Variants in PLXNA4 observed in about 807,000 individuals in gnomAD.
PLXNA4 encodes the protein plexin A4, also known as plexin-A4.
Under a neutral mutation model 191.8 loss-of-function variants are expected in PLXNA4, and 44 were observed. The observed-to-expected ratio is 0.23, with a 90% CI of 0.18 to 0.29. The LOEUF is 0.29. Among genes scored for constraint, PLXNA4 ranks in the 10% least tolerant of loss-of-function variants. PLXNA4 has a pLI of 1.00. For missense variants in PLXNA4, 1,800 were observed against 2,488.8 expected, an observed-to-expected ratio of 0.72 and a Z score of 5.89; for synonymous variants, 1,082 against 1,009.5, an observed-to-expected ratio of 1.07 and a Z score of -1.36.
At chr7:132,490,535 C>A (rs776693015) in intron 2 of PLXNA4, among the ~76,000 whole-genome samples, 4 of 150,128 alleles carry the variant, frequency 2.7e-5, no homozygotes, top group Non-Finnish European at 5.9e-5. Flanking sequence ...AAGCGATCCT[C>A]CAACCTCAGC....
In PLXNA4 at chr7:132,151,428, AGGAAGG is replaced by A. The variant is rs1387542677; in HGVS notation, c.4661-2788_4661-2783del. On this transcript the variant is annotated intron_variant, in intron 25 of 31. Transcript: ENST00000321063. ...AGGAGGAAGGAGGAGGAGGAGGAGGAGGAAGGAGGAGGAGGAGGAAGAAGAAGGAGG... is the reference window on the plus strand; with the variant it reads ...AGGAGGAAGGAGGAGGAGGAGGAGGAAGGAGGAGGAGGAAGAAGAAGGAGG... Among the ~76,000 whole-genome samples, 31 of 73,382 alleles carry A rather than the reference AGGAAGG, an allele frequency of 4.2e-4. 3 individuals carry two copies. Among genetic ancestry groups the A allele is most frequent in the African/African-American group, 1.6e-3 (25 of 15,660 alleles). The allele number at this position is 73,382 out of a possible 152,430, so 48.1% of individuals were successfully genotyped here. A position where few individuals can be genotyped will look rare whatever the true frequency, so the allele number is the denominator to read the frequency against.
chr7:132,207,347 C>T (rs1249890053), intron 10 of PLXNA4, among the ~76,000 whole-genome samples: 1 of 152,262 alleles, frequency 6.6e-6, no homozygotes, highest in Non-Finnish European at 1.5e-5. Context: ...GGCCCCGGCC[C>T]TCACGACCAG....
At chr7:132,408,253 G>C (rs2117076339) in intron 3 of PLXNA4, among the ~76,000 whole-genome samples, 1 of 152,038 alleles carries the variant, frequency 6.6e-6, no homozygotes, top group African/African-American at 2.4e-5. Flanking sequence ...TCACTGAATA[G>C]GCAGGAAAAA....
intron 3 of PLXNA4, among the ~76,000 whole-genome samples, chr7:132,330,888 T>G (rs1041314085): frequency 1.3e-5 from 2 of 152,148 alleles, no homozygotes; most frequent in African/African-American, 4.8e-5. Flanking sequence ...AATAAATATG[T>G]TTTTCTAAAT....
At chr7:132,513,196 A>G (rs1448040230) in intron 1 of PLXNA4, among the ~76,000 whole-genome samples, 1 of 152,238 alleles carries the variant, frequency 6.6e-6, no homozygotes, top group Non-Finnish European at 1.5e-5. Context: ...ACTGAAACTA[A>G]TTTTCATGAA....
At chr7:132,422,713 A>G (rs763510814) in intron 3 of PLXNA4, among the ~76,000 whole-genome samples, 2 of 152,152 alleles carry the variant, frequency 1.3e-5, no homozygotes, top group African/African-American at 2.4e-5. Context: ...GGGAAGTAAC[A>G]TTTGCTGAGC....
rs957949342 is a variant in PLXNA4, at chr7:132,133,664, G to A, written c.5439-465C>T. On this transcript the variant is annotated intron_variant, in intron 30 of 31. Coordinates refer to ENST00000321063, the MANE Select transcript of PLXNA4 (RefSeq NM_020911.2). The stretch of plus-strand genomic sequence containing the variant: ...GGGCTAAATGGGAGGAGGCAGGGCT[G>A]AGGCTACTCAGGGAGAGACTGGTAG... 5.3e-5 allele frequency among the ~76,000 whole-genome samples: 8 copies of A among 152,330 alleles called. 1 individual carries two copies. The South Asian group carries it at 1.7e-3, about 32-fold the overall frequency.
intron 2 of PLXNA4, among the ~76,000 whole-genome samples, chr7:132,601,966 C>T (rs1413011978): frequency 6.6e-6 from 1 of 152,236 alleles, no homozygotes; most frequent in Non-Finnish European, 1.5e-5. Context: ...CATTCTTACT[C>T]AGATCTCAAT....
At chr7:132,485,707 CTG>C (rs1219615048) in intron 3 of PLXNA4, among the ~76,000 whole-genome samples, 3 of 152,174 alleles carry the variant, frequency 2.0e-5, no homozygotes, top group Non-Finnish European at 4.4e-5. Context: ...CTGCTTATGA[CTG>C]TAGTATTTAT....
rs765596855 is a variant in PLXNA4, at chr7:132,159,616, C to T, written c.4517G>A (p.Ser1506Asn). The change falls in exon 25 of 32, where the codon AGC becomes AAC. Residue 1506 changes from serine to asparagine, a missense_variant. Ser to Asn is a conservative substitution (Grantham distance 46, BLOSUM62 1). Around this residue, in one of 6 missense-constraint regions of PLXNA4, gnomAD observed 214 missense variants for 298.2 expected, o/e 0.72. Transcript: ENST00000321063. ...CTCGGGGCTGTTGGCATTGTCTGGG[C>T]TGACACAGCTCAGGACCTGAAGGAA... ...DYKTLVLSCV[S>N]PDNANSPEVP... 6.2e-7 allele frequency: 1 copy of T among 1,614,100 alleles called. No individual in the cohort carries two copies.
chr7:132,394,214 CG>C (rs911846850), intron 3 of PLXNA4, among the ~76,000 whole-genome samples: 3 of 152,158 alleles, frequency 2.0e-5, no homozygotes, highest in African/African-American at 7.2e-5. Context: ...TCCTCTGAAG[CG>C]GGGCCCAGCC....
chr7:132,540,834 G>A (rs1350385203), intron 1 of PLXNA4, among the ~76,000 whole-genome samples: 1 of 151,578 alleles, frequency 6.6e-6, no homozygotes, highest in Admixed American at 6.6e-5. Flanking sequence ...TGATCCACCC[G>A]CCTCGGCCTC....
chr7:132,224,993 C>G (rs775295662), intron 8 of PLXNA4, among the ~76,000 whole-genome samples: 10 of 152,168 alleles, frequency 6.6e-5, no homozygotes, highest in African/African-American at 1.2e-4. Context: ...CTCTGGGGAT[C>G]CCATGGAGTT....
At chr7:132,629,675 A>G (rs1803453367) in intron 2 of PLXNA4, among the ~76,000 whole-genome samples, 1 of 152,204 alleles carries the variant, frequency 6.6e-6, no homozygotes, top group South Asian at 2.1e-4. Context: ...CTGGGTTTAA[A>G]CAACAGAAAT....
chr7:132,509,262 C>A (rs1195318216), intron 1 of PLXNA4, among the ~76,000 whole-genome samples: 1 of 152,144 alleles, frequency 6.6e-6, no homozygotes, highest in African/African-American at 2.4e-5. Context: ...CCTCTGCACA[C>A]AGTTTCTCCG....
intron 1 of PLXNA4, among the ~76,000 whole-genome samples, chr7:132,524,586 T>C (rs577029749): frequency 1.3e-5 from 2 of 152,230 alleles, no homozygotes; most frequent in Admixed American, 1.3e-4. Context: ...CTTTTTTTTG[T>C]TGTTGTTGAG....
chr7:132,401,315 G>A (rs1793975356), intron 3 of PLXNA4, among the ~76,000 whole-genome samples: 1 of 152,102 alleles, frequency 6.6e-6, no homozygotes, highest in South Asian at 2.1e-4. Flanking sequence ...ATCTCAAAAG[G>A]CAAAGTTAAA....
At chr7:132,338,286 T>C (rs955146556) in intron 3 of PLXNA4, among the ~76,000 whole-genome samples, 3 of 152,212 alleles carry the variant, frequency 2.0e-5, no homozygotes, top group Non-Finnish European at 2.9e-5. Flanking sequence ...CAGACTCAAA[T>C]TCCTCTCGGC....
intron 22 of PLXNA4, among the ~76,000 whole-genome samples, chr7:132,166,058 G>A (rs753773491): frequency 6.6e-6 from 1 of 152,024 alleles, no homozygotes; most frequent in Non-Finnish European, 1.5e-5. Context: ...TTAGCTGGGC[G>A]TGGTGGCACG....
Sources: allele counts gnomAD v4.1 joint callset (sites outside exome capture counted in the v4.1 genomes callset), GRCh38; gene constraint gnomAD v4.1.1; regional missense constraint gnomAD v4.1.1; transcripts MANE v1.5; gene names NCBI Gene and HGNC (gene_info 2026-07-23, HGNC 2026-07-21).